CDH2: variants seen among roughly 807,000 people sequenced by gnomAD.
CDH2 encodes the protein cadherin-2.
Under a neutral mutation model 92.0 loss-of-function variants are expected in CDH2, and 17 were observed. That is an observed-to-expected ratio of 0.18 (90% CI 0.13 to 0.28). The LOEUF is 0.28. CDH2 is among the 10% of genes least tolerant of loss of function. The probability of loss-of-function intolerance (pLI) is 1.00; values close to 1 mark genes in which losing one functional copy is unlikely to be tolerated. For synonymous variants in CDH2, 419 were observed against 415.9 expected (o/e 1.01, Z -0.09); for missense variants, 862 against 1,133.1 (o/e 0.76, Z 3.44).
chr18:28,049,076 C>T (rs749431296), intron 2 of CDH2, among the ~76,000 whole-genome samples: 11 of 151,974 alleles, frequency 7.2e-5, no homozygotes, highest in Non-Finnish European at 1.6e-4. Flanking sequence ...GAGGAATACA[C>T]AGTGATTTTA....
At chr18:27,999,155 C>G (rs1175253335) in intron 7 of CDH2, among the ~76,000 whole-genome samples, 1 of 152,198 alleles carries the variant, frequency 6.6e-6, no homozygotes, top group East Asian at 1.9e-4. Flanking sequence ...GAAACGGGAA[C>G]AGAAGAATAG....
intron 9 of CDH2, among the ~76,000 whole-genome samples, chr18:27,990,612 T>G (rs1027157544): frequency 1.1e-4 from 17 of 152,318 alleles, no homozygotes; most frequent in Middle Eastern, 3.4e-3. Flanking sequence ...ACAGATTTAT[T>G]TATTTAGGTA....
chr18:28,051,477 T>C (rs141307695), intron 2 of CDH2, among the ~76,000 whole-genome samples: 2 of 152,306 alleles, frequency 1.3e-5, no homozygotes, highest in East Asian at 1.9e-4. Flanking sequence ...AAATGCAGTG[T>C]ATAAGGTAAG....
chr18:27,985,508 A>G lies in CDH2; in HGVS notation c.1975+20T>C, dbSNP rs1418507029. 18 of 1,505,588 alleles carry G rather than the reference A, an allele frequency of 1.2e-5. No homozygotes were observed. Among genetic ancestry groups the G allele is most frequent in the Admixed American group, 5.2e-5 (3 of 57,406 alleles). The allele number at this position is 1,505,588 out of a possible 1,614,324, so 93.3% of individuals were successfully genotyped here. A position where few individuals can be genotyped will look rare whatever the true frequency, so the allele number is the denominator to read the frequency against. ...AATCTCTCAACTGCACATATATTCA[A>G]ATAATTAACCTGTTCTTACCATTAA... On this transcript the variant is annotated intron_variant, in intron 12 of 15. Coordinates refer to ENST00000269141, the MANE Select transcript of CDH2 (RefSeq NM_001792.5).
intron 5 of CDH2, among the ~76,000 whole-genome samples, chr18:28,008,757 G>GA (rs983725304): frequency 6.6e-6 from 1 of 150,660 alleles, no homozygotes; most frequent in South Asian, 2.1e-4. Flanking sequence ...AAAAAAAAAA[G>GA]AAAAAACTTC....
intron 2 of CDH2, among the ~76,000 whole-genome samples, chr18:28,145,260 T>C (rs909928411): frequency 2.6e-5 from 4 of 152,088 alleles, no homozygotes; most frequent in African/African-American, 9.7e-5. Context: ...GGAGTTACGA[T>C]TCCAACAGGG....
At chr18:28,099,646 AG>A (rs2015194954) in intron 2 of CDH2, among the ~76,000 whole-genome samples, 1 of 152,170 alleles carries the variant, frequency 6.6e-6, no homozygotes. Context: ...GGAGAAGAGC[AG>A]GTAACCACTA....
At chr18:28,031,280 T>C (rs978455547) in intron 2 of CDH2, among the ~76,000 whole-genome samples, 4 of 152,040 alleles carry the variant, frequency 2.6e-5, no homozygotes, top group African/African-American at 7.2e-5. Context: ...TACCTAAATG[T>C]AATCTATTTG....
At chr18:28,164,795 G>A (rs2016355450) in intron 1 of CDH2, among the ~76,000 whole-genome samples, 1 of 152,158 alleles carries the variant, frequency 6.6e-6, no homozygotes, top group Non-Finnish European at 1.5e-5. Flanking sequence ...TGATATACCT[G>A]TTGTTTCCAA....
intron 1 of CDH2, among the ~76,000 whole-genome samples, chr18:28,174,960 T>C (rs1278147320): frequency 6.6e-6 from 1 of 152,188 alleles, no homozygotes; most frequent in Non-Finnish European, 1.5e-5. Context: ...CACATCTCCT[T>C]TGTTAAAAAA....
chr18:28,012,017 C>G, intron 3 of CDH2, 25 bp from the exon 4 acceptor site: 3 of 1,601,052 alleles, frequency 1.9e-6, no homozygotes, highest in Non-Finnish European at 2.6e-6. Flanking sequence ...AGAAGACATT[C>G]CTGAGTACTA....
At chr18:27,934,671 T>A (rs932027696) in intron 6 of CDH2, among the ~76,000 whole-genome samples, 7 of 152,074 alleles carry the variant, frequency 4.6e-5, no homozygotes, top group African/African-American at 1.7e-4. Context: ...TGTGTTTTCT[T>A]TGGTCCTTGA....
intron 2 of CDH2, among the ~76,000 whole-genome samples, chr18:28,137,358 G>T (rs1237689108): frequency 6.6e-6 from 1 of 152,008 alleles, no homozygotes; most frequent in East Asian, 1.9e-4. Flanking sequence ...AAGTCTAAAG[G>T]ATACATATTT....
intron 1 of CDH2, 34 bp downstream of exon 1, chr18:28,176,929 G>A: frequency 2.8e-6 from 2 of 722,028 alleles, no homozygotes; most frequent in South Asian, 4.5e-5. Flanking sequence ...GCCCCACCCC[G>A]CCCGTGGCCC....
At chr18:28,035,509 C>G (rs1028528433) in intron 2 of CDH2, among the ~76,000 whole-genome samples, 1 of 151,998 alleles carries the variant, frequency 6.6e-6, no homozygotes, top group Non-Finnish European at 1.5e-5. Flanking sequence ...TTTATGTTAA[C>G]AGAGACCTCT....
At chr18:28,168,411 ATGTT>A (rs2016416939) in intron 1 of CDH2, among the ~76,000 whole-genome samples, 1 of 152,160 alleles carries the variant, frequency 6.6e-6, no homozygotes, top group Non-Finnish European at 1.5e-5. Context: ...AATATGGAAA[ATGTT>A]TGAACATTAA....
At chr18:28,026,094 C>T (rs4800838) in intron 2 of CDH2, among the ~76,000 whole-genome samples, 24,692 of 152,150 alleles carry the variant, frequency 0.16, 2,330 homozygotes, top group South Asian at 0.29. Context: ...GTCTGTGAAA[C>T]TTTAAATCAT....
At chr18:28,077,844 T>C (rs1463096783) in intron 2 of CDH2, among the ~76,000 whole-genome samples, 2 of 132,622 alleles carry the variant, frequency 1.5e-5, no homozygotes, top group African/African-American at 6.0e-5. Flanking sequence ...TGAGCTGAGA[T>C]TGCGTCACTG....
At chr18:28,124,892 G>A (rs1040938053) in intron 2 of CDH2, among the ~76,000 whole-genome samples, 4 of 152,080 alleles carry the variant, frequency 2.6e-5, no homozygotes, top group African/African-American at 9.7e-5. Flanking sequence ...TCACTGGGTT[G>A]GTTCTCACAT....
Sources: allele counts gnomAD v4.1 joint callset (sites outside exome capture counted in the v4.1 genomes callset), GRCh38; gene constraint gnomAD v4.1.1; transcripts MANE v1.5; gene names NCBI Gene and HGNC (gene_info 2026-07-23, HGNC 2026-07-21).